ZMYND8: variants seen among roughly 807,000 people sequenced by gnomAD.
ZMYND8 encodes the protein MYND-type zinc finger-containing chromatin reader ZMYND8.
A neutral mutation model predicts 140.8 loss-of-function variants in ZMYND8; 37 were observed. The ratio of observed to expected loss-of-function variants is 0.26; its 90% CI spans 0.20 to 0.35. ZMYND8 has a LOEUF of 0.35. ZMYND8 is among the 10% of genes least tolerant of loss of function. The pLI is 1.00. For missense variants in ZMYND8, 1,068 were observed against 1,570.0 expected (o/e 0.68, Z 5.40); for synonymous variants, 592 against 597.1 (o/e 0.99, Z 0.12).
At chr20:47,293,512 A>G (rs1029892150) in intron 5 of ZMYND8, among the ~76,000 whole-genome samples, 1 of 152,152 alleles carries the variant, frequency 6.6e-6, no homozygotes, top group Admixed American at 6.5e-5. Context: ...TCTCATCTCA[A>G]AACTGAAGGA....
rs2147188103 is a variant in ZMYND8 at position 47,239,013 on chromosome 20, T to C, written c.2410A>G (p.Thr804Ala). 1 of 1,602,638 alleles carries C rather than the reference T, an allele frequency of 6.2e-7. No homozygotes were observed. Among genetic ancestry groups the C allele is most frequent in the Non-Finnish European group, 8.5e-7 (1 of 1,171,780 alleles). The change falls in exon 15 of 23, where the codon ACG becomes GCG. Residue 804 changes from threonine (T) to alanine (A), a missense_variant. Physicochemically the swap from Thr to Ala is moderately conservative, Grantham distance 58 (BLOSUM62 0). Transcript: ENST00000471951. ...GATATTSTSSTVTVTAPAPAA... is the reference protein window; with the variant it reads ...GATATTSTSSAVTVTAPAPAA... Reference sequence around the variant, plus strand: ...GGGGCCGGGGCCGTGACGGTGACCGTGGAGGACGTGCTGGTGGTGGCTGTG... The same window carrying C: ...GGGGCCGGGGCCGTGACGGTGACCGCGGAGGACGTGCTGGTGGTGGCTGTG...
At position 47,265,644 on chromosome 20, in the gene ZMYND8, T is replaced by C. The variant is rs377747860; in HGVS notation, c.1481-3216A>G. ...TTTTAGTAGAGACGGGGTTTTGCCA[T>C]GTTGGCCAGGCTGATCTCGAACTCC... On this transcript the variant is annotated intron_variant, in intron 11 of 22. Coordinates refer to ENST00000471951, the MANE Select transcript of ZMYND8 (RefSeq NM_001281775.3). Among the ~76,000 whole-genome samples, 703 of 152,314 alleles carry C rather than the reference T, an allele frequency of 4.6e-3. 6 individuals carry two copies. Among genetic ancestry groups the C allele is most frequent in the African/African-American group, 0.016 (677 of 41,566 alleles).
chr20:47,242,730 C>T (rs2040120330), intron 14 of ZMYND8, among the ~76,000 whole-genome samples: 1 of 152,180 alleles, frequency 6.6e-6, no homozygotes, highest in Non-Finnish European at 1.5e-5. Context: ...AGTATACAAT[C>T]CGATAAGATT....
chr20:47,281,380 C>G (rs539377162), intron 10 of ZMYND8, among the ~76,000 whole-genome samples: 2 of 152,208 alleles, frequency 1.3e-5, no homozygotes, highest in South Asian at 4.1e-4. Flanking sequence ...CATACTAACA[C>G]GCTTTCTCAA....
At chr20:47,290,124 G>T in intron 7 of ZMYND8, 63 bp downstream of exon 7, 1 of 1,467,484 alleles carries the variant, frequency 6.8e-7, no homozygotes, top group Non-Finnish European at 9.3e-7. Flanking sequence ...TTTCATGAAG[G>T]ACAGGAATTT....
intron 11 of ZMYND8, among the ~76,000 whole-genome samples, chr20:47,275,846 C>T (rs1362143126): frequency 1.3e-5 from 2 of 152,112 alleles, no homozygotes; most frequent in African/African-American, 2.4e-5. Flanking sequence ...CAAGCTAAAG[C>T]AATCTGACTG....
intron 6 of ZMYND8, 93 bp downstream of exon 6, chr20:47,291,703 G>T: frequency 1.1e-6 from 1 of 896,014 alleles, no homozygotes; most frequent in Non-Finnish European, 1.6e-6. Flanking sequence ...AGATTGTTAT[G>T]TCCAACTTGT....
intron 13 of ZMYND8, among the ~76,000 whole-genome samples, chr20:47,248,574 G>A (rs1040618597): frequency 6.6e-6 from 1 of 152,206 alleles, no homozygotes; most frequent in Non-Finnish European, 1.5e-5. Context: ...AAACATTCCA[G>A]AGCATCTACC....
chr20:47,282,268 T>C lies in ZMYND8; in HGVS notation c.883-51A>G, dbSNP rs764909937. 1.2e-5 allele frequency: 19 copies of C among 1,529,096 alleles called. No individual in the cohort carries two copies. In the South Asian group the frequency reaches 1.9e-4, roughly 16 times the overall value. The allele number at this position is 1,529,096 out of a possible 1,614,324, so 94.7% of individuals were successfully genotyped here. A position where few individuals can be genotyped will look rare whatever the true frequency, so the allele number is the denominator to read the frequency against. ...AGTTTGTACATATTTGACAGCAAGA[T>C]ACTCACTAAAGTTTGGTATGTGAGG... On this transcript the variant is annotated intron_variant, in intron 9 of 22. Transcript: ENST00000471951.
intron 21 of ZMYND8, among the ~76,000 whole-genome samples, chr20:47,216,269 G>A (rs1468817347): frequency 6.6e-6 from 1 of 152,072 alleles, no homozygotes; most frequent in Non-Finnish European, 1.5e-5. Context: ...CAAGGTGGGT[G>A]AATCACTTGA....
intron 1 of ZMYND8, among the ~76,000 whole-genome samples, chr20:47,349,491 T>C (rs2082598155): frequency 6.6e-6 from 1 of 152,242 alleles, no homozygotes; most frequent in South Asian, 2.1e-4. Flanking sequence ...GCACTAATGC[T>C]TTCTATTCCA....
Position 47,291,895 on chromosome 20 carries a change from A to G in ZMYND8, c.568-7T>C, listed in dbSNP as rs753684386. On this transcript the variant is annotated splice_polypyrimidine_tract_variant and splice_region_variant and intron_variant, in intron 5 of 22. Transcript: ENST00000471951. ...GCTTCTGGAATGCATCTGTCTATAA[A>G]AGAGAAGATATGCAGAGGAACGAAC... The G allele has an allele frequency of 6.2e-7, 1 of 1,609,400 alleles. No individual in the cohort carries two copies. The highest frequency in any genetic ancestry group is 1.7e-5 in the Admixed American group (1 of 59,554).
Position 47,318,735 on chromosome 20 carries a change from G to C in ZMYND8, c.86-8531C>G, listed in dbSNP as rs746875310. ...CTGCCGGGCTGAGCCCTCTCCTCCA[G>C]AGGACTGCACTGGCCTGAACTGTGC... On this transcript the variant is annotated intron_variant, in intron 2 of 22. Transcript: ENST00000471951. 3 of 464,420 alleles carry C rather than the reference G, an allele frequency of 6.5e-6. 1 individual carries two copies. Among genetic ancestry groups the C allele is most frequent in the South Asian group, 4.6e-5 (3 of 64,724 alleles). 28.8% of individuals were successfully genotyped at this position (464,420 alleles called of 1,614,324 possible).
Position 47,210,539 on chromosome 20 carries a change from C to A in ZMYND8, c.*222G>T. ...ACATCCACAAATTGTACATTATTTA[C>A]ACCAAAAGCACAGGGCTCGTGTGGG... On this transcript the variant is annotated 3_prime_UTR_variant, in exon 23 of 23. Coordinates refer to ENST00000471951, the MANE Select transcript of ZMYND8 (RefSeq NM_001281775.3). 4.0e-6 allele frequency: 2 copies of A among 494,436 alleles called. No homozygotes were observed. The highest frequency in any genetic ancestry group is 3.6e-6 in the Non-Finnish European group (1 of 274,514). 30.6% of individuals were successfully genotyped at this position (494,436 alleles called of 1,614,324 possible). A position where few individuals can be genotyped will look rare whatever the true frequency, so the allele number is the denominator to read the frequency against.
chr20:47,271,777 G>A (rs570168172), intron 11 of ZMYND8, among the ~76,000 whole-genome samples: 3 of 152,172 alleles, frequency 2.0e-5, no homozygotes, highest in Admixed American at 2.0e-4. Context: ...CACCTCCCGG[G>A]TTCAAGTGAT....
At chr20:47,319,071 G>T in intron 2 of ZMYND8, 1 of 1,334,518 alleles carries the variant, frequency 7.5e-7, no homozygotes, top group Non-Finnish European at 9.9e-7. Flanking sequence ...CCCAGGGGGA[G>T]GAGGAAGAAG....
At chr20:47,352,479 C>G in intron 1 of ZMYND8, 1 of 985,454 alleles carries the variant, frequency 1.0e-6, no homozygotes, top group South Asian at 4.7e-5. Flanking sequence ...ACAGGATACT[C>G]ACAAATTAGA....
intron 3 of ZMYND8, among the ~76,000 whole-genome samples, chr20:47,306,468 T>C (rs2078490888): frequency 6.6e-6 from 1 of 151,982 alleles, no homozygotes; most frequent in South Asian, 2.1e-4. Context: ...GAATTCCTAA[T>C]ATATGATAAA....
intron 16 of ZMYND8, among the ~76,000 whole-genome samples, chr20:47,230,655 C>T (rs1302763123): frequency 1.3e-5 from 2 of 152,002 alleles, no homozygotes; most frequent in African/African-American, 4.8e-5. Flanking sequence ...CATTATTTCC[C>T]GTCAAAAAAC....
Sources: gnomAD v4.1 joint callset for allele counts (sites outside exome capture counted in the v4.1 genomes callset) on GRCh38, gnomAD v4.1.1 for gene constraint, MANE v1.5 for transcripts, NCBI Gene and HGNC (gene_info 2026-07-23, HGNC 2026-07-21) for gene names.